The following AHNAK variants were observed in gnomAD, a reference collection of about 807,000 sequenced individuals.
The protein encoded by AHNAK is AHNAK nucleoprotein, also known as neuroblast differentiation-associated protein AHNAK.
AHNAK carries 23 observed loss-of-function variants against 37.8 expected under a neutral mutation model. The observed-to-expected ratio is 0.61, with a 90% confidence interval of 0.44 to 0.86. AHNAK has a LOEUF of 0.86. Ranked by LOEUF, AHNAK falls within the 40% of genes least tolerant of loss-of-function variation. AHNAK has a pLI of 0.00. For missense variants in AHNAK, 7,411 were observed against 7,319.4 expected (o/e 1.01, Z -0.46); for synonymous variants, 2,481 against 2,636.3 (o/e 0.94, Z 1.80).
chr11:62,437,647 C>G (rs1938203913), intron 5 of AHNAK, among the ~76,000 whole-genome samples: 1 of 152,196 alleles, frequency 6.6e-6, no homozygotes, highest in Non-Finnish European at 1.5e-5. Context: ...GTGTGAACCA[C>G]CACGCCCAGC....
In AHNAK at chr11:62,528,314, G is replaced by T; in HGVS notation, c.6103C>A (p.Pro2035Thr). ...IKGPKMDIDA[P>T]DVDVHGPDWH... ...TCTGGGCCATGAACATCCACATCTGGGGCATCAATGTCCATTTTGGGTCCT... is the reference window on the plus strand; with the variant it reads ...TCTGGGCCATGAACATCCACATCTGTGGCATCAATGTCCATTTTGGGTCCT... The change falls in exon 5 of 5, where the codon CCA becomes ACA. Residue 2035 changes from proline to threonine, a missense_variant. By Grantham distance (38) the Pro-to-Thr change is conservative. Transcript: ENST00000378024. The T allele has an allele frequency of 1.9e-6, 3 of 1,614,064 alleles. No homozygotes were observed. Among genetic ancestry groups the T allele is most frequent in the Non-Finnish European group, 2.5e-6 (3 of 1,180,032 alleles).
chr11:62,519,304 T>A lies in AHNAK; in HGVS notation c.15113A>T (p.Lys5038Ile). Residue 5038 changes from lysine to isoleucine, a missense_variant, in exon 5 of 5, where the codon AAA (lysine) becomes ATA (isoleucine). Lys to Ile is a moderately radical substitution (Grantham distance 102). Coordinates refer to ENST00000378024, the MANE Select transcript of AHNAK (RefSeq NM_001620.3). ...IHMSGPKIKA[K>I]KQGFDLNVPG... ...AACATTCAGGTCAAATCCCTGTTTTTTGGCCTTAATCTTAGGACCACTCAT... is the reference window on the plus strand; with the variant it reads ...AACATTCAGGTCAAATCCCTGTTTTATGGCCTTAATCTTAGGACCACTCAT... 1 of 1,614,196 alleles carries A rather than the reference T, an allele frequency of 6.2e-7. No homozygotes were observed. Among genetic ancestry groups the A allele is most frequent in the Non-Finnish European group, 8.5e-7 (1 of 1,180,036 alleles).
chr11:62,519,758 C>T lies in AHNAK; in HGVS notation c.14659G>A (p.Gly4887Ser), dbSNP rs771926485. Residue 4887 changes from glycine to serine, a missense_variant, in exon 5 of 5, where the codon GGT becomes AGT. Transcript: ENST00000378024. ...TLKGPEVDLK[G>S]PRLDFEGPDA... is the part of the protein sequence containing the mutation. ...GGGCCTTCGAAATCCAGACGTGGAC[C>T]TTTAAGATCTACTTCTGGGCCTTTC... is the stretch of plus-strand genomic sequence containing the variant. The T allele has an allele frequency of 5.6e-6, 9 of 1,613,012 alleles. No individual in the cohort carries two copies. Among genetic ancestry groups the T allele is most frequent in the Non-Finnish European group, 7.6e-6 (9 of 1,179,552 alleles).
At chr11:62,493,011 C>CTTT (rs960994580) in intron 4 of AHNAK, among the ~76,000 whole-genome samples, 6 of 133,326 alleles carry the variant, frequency 4.5e-5, no homozygotes, top group Middle Eastern at 3.8e-3. Flanking sequence ...CTTTTCTTTT[C>CTTT]TTTTTTTTTT....
intron 5 of AHNAK, among the ~76,000 whole-genome samples, chr11:62,435,107 C>G (rs1938132047): frequency 6.6e-6 from 1 of 152,136 alleles, no homozygotes; most frequent in Non-Finnish European, 1.5e-5. Flanking sequence ...CTCCTGCCCT[C>G]CCCCTAATTG....
rs541919588 is a variant in AHNAK, at chr11:62,530,161, T to C, written c.4256A>G (p.Asp1419Gly). ...ADVDVSGPKM[D>G]AEVPDVNIEG... ...AATATTCACATCTGGAACTTCAGCA[T>C]CCATTTTGGGTCCTGAGACATCAAC... Residue 1419 changes from aspartate (D) to glycine (G), a missense_variant, in exon 5 of 5, where the codon GAT (aspartate) becomes GGT (glycine). Transcript: ENST00000378024. 3.1e-6 allele frequency: 5 copies of C among 1,613,856 alleles called. No individual in the cohort carries two copies. The highest frequency in any genetic ancestry group is 4.2e-6 in the Non-Finnish European group (5 of 1,180,024).
intron 5 of AHNAK, among the ~76,000 whole-genome samples, chr11:62,485,820 C>T (rs1939379878): frequency 1.3e-5 from 2 of 151,206 alleles, no homozygotes; most frequent in African/African-American, 4.9e-5. Context: ...AATTCAAGAC[C>T]AGCCTGGCCA....
chr11:62,468,111 G>A (rs1210717692), intron 5 of AHNAK, among the ~76,000 whole-genome samples: 1 of 152,110 alleles, frequency 6.6e-6, no homozygotes, highest in East Asian at 1.9e-4. Flanking sequence ...ACTTTGGGAG[G>A]CCGAAATGGG....
Position 62,523,828 on chromosome 11 carries a change from T to C in AHNAK, c.10589A>G (p.Lys3530Arg), listed in dbSNP as rs143895650. 311 of 1,614,164 alleles carry C rather than the reference T, an allele frequency of 1.9e-4. 1 individual carries two copies. In the East Asian group the frequency reaches 2.2e-3, roughly 12 times the overall value. The change falls in exon 5 of 5, where the codon AAA becomes AGA. Residue 3530 changes from lysine to arginine, a missense_variant. Physicochemically the swap from Lys to Arg is conservative, Grantham distance 26. Transcript: ENST00000378024. ...EGPEGGLKGP[K>R]FKMPDMNIKA... The stretch of plus-strand genomic sequence containing the variant: ...GATATTCATGTCAGGCATCTTGAAT[T>C]TGGGACCTTTCAAGCCTCCCTCCGG...
In AHNAK at chr11:62,529,551, C is replaced by T; in HGVS notation, c.4866G>A (p.Val1622=). The T allele has an allele frequency of 6.2e-7, 1 of 1,614,166 alleles. No individual in the cohort carries two copies. The highest frequency in any genetic ancestry group is 2.2e-5 in the East Asian group (1 of 44,888). Residue 1622 remains valine (V), a synonymous_variant, in exon 5 of 5, where the codon GTG becomes GTA. Transcript: ENST00000378024. ...CTTCAATATCAATATCACCAACATT[C>T]ACATCCATCTTAGGGGCTTTCACAT... ...EIDVKAPKMD[V]NVGDIDIEGP...
downstream of AHNAK, among the ~76,000 whole-genome samples, chr11:62,514,188 C>T: frequency 6.6e-6 from 1 of 152,182 alleles, no homozygotes; most frequent in Non-Finnish European, 1.5e-5. Context: ...TAGCTGTGTA[C>T]ACAAGTGCAC....
Position 62,528,737 on chromosome 11 carries a change from G to A in AHNAK, c.5680C>T (p.Pro1894Ser). 1 of 1,610,190 alleles carries A rather than the reference G, an allele frequency of 6.2e-7. No homozygotes were observed. The highest frequency in any genetic ancestry group is 8.5e-7 in the Non-Finnish European group (1 of 1,179,236). ...LTGPSVGVEV[P>S]DVELECPDAK... ...TCAGGACACTCCAGCTCAACATCAG[G>A]CACCTCCACACCCACACTGGGGCCT... Residue 1894 changes from proline (P) to serine (S), a missense_variant, in exon 5 of 5, where the codon CCT becomes TCT. Transcript: ENST00000378024.
At chr11:62,535,905 C>A (rs770613537) in intron 3 of AHNAK, 40 bp downstream of exon 3, 1 of 1,580,374 alleles carries the variant, frequency 6.3e-7, no homozygotes, top group South Asian at 1.1e-5. Context: ...CACCGACCCC[C>A]CAACCACCAG....
chr11:62,437,718 A>C (rs1019322822), intron 5 of AHNAK, among the ~76,000 whole-genome samples: 2 of 152,160 alleles, frequency 1.3e-5, no homozygotes, highest in Non-Finnish European at 2.9e-5. Flanking sequence ...AGGCATATCT[A>C]TAGCTTTAAT....
intron 5 of AHNAK, chr11:62,433,905 A>G (rs767729227): frequency 6.2e-7 from 1 of 1,613,166 alleles, no homozygotes; most frequent in East Asian, 2.2e-5. Flanking sequence ...TAAAACAACA[A>G]CAAAGAGATT....
chr11:62,450,507 A>G (rs1938513457), intron 5 of AHNAK, among the ~76,000 whole-genome samples: 1 of 152,134 alleles, frequency 6.6e-6, no homozygotes, highest in Non-Finnish European at 1.5e-5. Flanking sequence ...TTTTAAAATA[A>G]ATAATAGAGA....
At chr11:62,535,461 C>T (rs1940912948) in intron 3 of AHNAK, among the ~76,000 whole-genome samples, 1 of 151,892 alleles carries the variant, frequency 6.6e-6, no homozygotes, top group Non-Finnish European at 1.5e-5. Flanking sequence ...CCAGCCTGAC[C>T]AACATAGAAA....
chr11:62,466,215 G>C (rs1273097319), intron 5 of AHNAK, among the ~76,000 whole-genome samples: 1 of 152,122 alleles, frequency 6.6e-6, no homozygotes, highest in African/African-American at 2.4e-5. Context: ...AGCTAGTCAG[G>C]AGGCTGAGGC....
At chr11:62,467,161 A>G (rs1938928797) in intron 5 of AHNAK, among the ~76,000 whole-genome samples, 1 of 150,284 alleles carries the variant, frequency 6.7e-6, no homozygotes, top group African/African-American at 2.5e-5. Context: ...ATAGTAAACC[A>G]TGTTCATGAC....
Sources: gnomAD v4.1 joint callset for allele counts (sites outside exome capture counted in the v4.1 genomes callset) on GRCh38, gnomAD v4.1.1 for gene constraint, MANE v1.5 for transcripts, NCBI Gene and HGNC (gene_info 2026-07-23, HGNC 2026-07-21) for gene names.